Variants in PCDHA2 observed in about 807,000 individuals in gnomAD.
PCDHA2 encodes the protein protocadherin alpha 2.
PCDHA2 carries 58 observed loss-of-function variants against 66.0 expected under a neutral mutation model. That is an observed-to-expected ratio of 0.88 (90% CI 0.71 to 1.09). The LOEUF is 1.09. Among genes scored for constraint, PCDHA2 ranks in the 50% least tolerant of loss-of-function variants. PCDHA2 has a pLI of 0.00. For missense variants in PCDHA2, 1,267 were observed against 1,242.3 expected (o/e 1.02, Z -0.30); for synonymous variants, 634 against 554.0 (o/e 1.14, Z -2.03).
At chr5:140,997,668 T>TTGTGTGTGTG (rs35184029) in intron 3 of PCDHA2, among the ~76,000 whole-genome samples, 47 of 148,344 alleles carry the variant, frequency 3.2e-4, no homozygotes, top group East Asian at 1.8e-3. Flanking sequence ...ATTATACAGC[T>TTGTGTGTGTG]TGTGTGTGTG....
Position 140,927,344 on chromosome 5 carries a change from A to G in PCDHA2, c.2389-51605A>G, listed in dbSNP as rs144568777. 1.0e-4 allele frequency: 168 copies of G among 1,613,994 alleles called. No homozygotes were observed. Among genetic ancestry groups the G allele is most frequent in the Middle Eastern group, 8.2e-4 (5 of 6,062 alleles). On this transcript the variant is annotated intron_variant, in intron 1 of 3. Transcript: ENST00000526136. ...TTTACTCTCCCGAATGCCCAAGATGACGACGAGGGAAGCAATGGGATACTA... is the reference window on the plus strand; with the variant it reads ...TTTACTCTCCCGAATGCCCAAGATGGCGACGAGGGAAGCAATGGGATACTA...
chr5:140,950,952 A>G (rs1554219699), intron 1 of PCDHA2, among the ~76,000 whole-genome samples: 2 of 151,782 alleles, frequency 1.3e-5, no homozygotes, highest in Admixed American at 1.3e-4. Context: ...GATCATTTCT[A>G]TTGATCTATT....
intron 1 of PCDHA2, chr5:140,884,061 A>G: frequency 1.2e-6 from 2 of 1,613,342 alleles, no homozygotes; most frequent in Non-Finnish European, 1.7e-6. Flanking sequence ...CGCGCGGTGG[A>G]CGCCGATTCG....
chr5:140,841,081 A>G (rs2150310957), intron 1 of PCDHA2: 5 of 541,186 alleles, frequency 9.2e-6, no homozygotes, highest in East Asian at 3.1e-5. Context: ...TAGAAAGTGC[A>G]TAGAAGAACC....
rs141789471 is a variant in PCDHA2, at chr5:140,838,199, C to T, written c.2388+40847C>T. Among the ~76,000 whole-genome samples, 332 of 149,502 alleles carry T rather than the reference C, an allele frequency of 2.2e-3. 4 individuals carry two copies. The highest frequency in any genetic ancestry group is 7.4e-3 in the African/African-American group (299 of 40,498). On this transcript the variant is annotated intron_variant, in intron 1 of 3. Transcript: ENST00000526136. Reference sequence around the variant, plus strand: ...TGCAATCTCAGCTCACTGCAAAATCCGCCTCTCTGGTACAAGCAGTTCTCA... The same window carrying T: ...TGCAATCTCAGCTCACTGCAAAATCTGCCTCTCTGGTACAAGCAGTTCTCA...
At chr5:140,824,132 G>A in intron 1 of PCDHA2, 1 of 1,613,590 alleles carries the variant, frequency 6.2e-7, no homozygotes, top group Non-Finnish European at 8.5e-7. Context: ...GACAACGTGA[G>A]TTTTCTAATA....
At chr5:140,928,800 A>G (rs782641676) in intron 1 of PCDHA2, 6 of 1,614,098 alleles carry the variant, frequency 3.7e-6, no homozygotes, top group Non-Finnish European at 4.2e-6. Flanking sequence ...GGGTGGTGGT[A>G]GTGGTTCGGG....
intron 1 of PCDHA2, chr5:140,802,448 C>A (rs782040160): frequency 6.2e-7 from 1 of 1,614,198 alleles, no homozygotes; most frequent in Non-Finnish European, 8.5e-7. Flanking sequence ...ACCGCGAGAG[C>A]GTGTCGGCCT....
intron 1 of PCDHA2, among the ~76,000 whole-genome samples, chr5:140,838,563 G>A (rs1007641143): frequency 9.9e-5 from 15 of 151,752 alleles, no homozygotes; most frequent in Non-Finnish European, 1.9e-4. Context: ...ATCCAGTACT[G>A]TATTAGGGAC....
chr5:140,897,037 AC>A (rs1300892291), intron 1 of PCDHA2, among the ~76,000 whole-genome samples: 1 of 152,074 alleles, frequency 6.6e-6, no homozygotes, highest in Non-Finnish European at 1.5e-5. Flanking sequence ...GACCATAGTC[AC>A]CCTATTCTGC....
chr5:140,969,129 C>G (rs576180714), intron 1 of PCDHA2: 4 of 1,614,144 alleles, frequency 2.5e-6, no homozygotes, highest in Admixed American at 1.7e-5. Context: ...GGCTCCCTCA[C>G]CAAGACCTAC....
chr5:140,865,077 A>G (rs2048727264), intron 1 of PCDHA2: 1 of 152,246 alleles, frequency 6.6e-6, no homozygotes, highest in Non-Finnish European at 1.5e-5. Flanking sequence ...TATAAGAACC[A>G]TGGGATATTA....
intron 1 of PCDHA2, chr5:140,852,134 G>A: frequency 3.4e-6 from 3 of 887,872 alleles, no homozygotes; most frequent in Non-Finnish European, 4.1e-6. Flanking sequence ...AAACTCAGTA[G>A]AGAAAGATCA....
intron 1 of PCDHA2, chr5:140,871,714 T>G (rs938500670): frequency 2.5e-6 from 2 of 805,644 alleles, no homozygotes; most frequent in African/African-American, 3.5e-5. Context: ...AATGTCCTAT[T>G]TCTCTTAATA....
intron 1 of PCDHA2, chr5:140,862,613 A>G (rs1247840424): frequency 7.6e-6 from 4 of 522,928 alleles, no homozygotes; most frequent in Non-Finnish European, 1.6e-5. Flanking sequence ...GTGAAAGGTA[A>G]CAACCCGCGG....
Position 140,836,313 on chromosome 5 carries a change from C to T in PCDHA2, c.2388+38961C>T, listed in dbSNP as rs2150257393. 228 of 1,613,608 alleles carry T rather than the reference C, an allele frequency of 1.4e-4. 1 individual carries two copies. Among genetic ancestry groups the T allele is most frequent in the Non-Finnish European group, 1.4e-5 (16 of 1,179,840 alleles). On this transcript the variant is annotated intron_variant, in intron 1 of 3. Coordinates refer to ENST00000526136, the MANE Select transcript of PCDHA2 (RefSeq NM_018905.3). The stretch of plus-strand genomic sequence containing the variant: ...AGCCCTAGATGAGACGGACGCACCG[C>T]GCCACCGCCTTCTGGTGCTTGTGAA...
intron 1 of PCDHA2, chr5:140,811,615 A>C (rs552512515): frequency 1.3e-5 from 2 of 152,228 alleles, no homozygotes; most frequent in African/African-American, 4.8e-5. Flanking sequence ...CACTCCCACC[A>C]ACGGTGTAAA....
rs555371032 is a variant in PCDHA2 at position 140,794,977 on chromosome 5, A to G, written c.13A>G (p.Ile5Val). The G allele has an allele frequency of 7.5e-5, 121 of 1,610,366 alleles. No individual in the cohort carries two copies. The South Asian group carries it at 1.2e-3, about 16-fold the overall frequency. Residue 5 changes from isoleucine (I) to valine (V), a missense_variant, in exon 1 of 4, where the codon ATC (isoleucine) becomes GTC (valine). Ile to Val is a conservative substitution (Grantham distance 29, BLOSUM62 3). Transcript: ENST00000526136. ...TTGAGGATTGGTAATGGCGTCTTCT[A>G]TCAGAAGGGGCCGAGGGGCCTGGAC... MASSIRRGRGAWTRL... is the reference protein window; with the variant it reads MASSVRRGRGAWTRL...
intron 1 of PCDHA2, chr5:140,797,576 A>G: frequency 1.6e-6 from 1 of 636,298 alleles, no homozygotes; most frequent in Non-Finnish European, 2.7e-6. Flanking sequence ...CACTTCCATC[A>G]TTAAGTCATA....
Sources: allele counts gnomAD v4.1 joint callset (sites outside exome capture counted in the v4.1 genomes callset), GRCh38; gene constraint gnomAD v4.1.1; transcripts MANE v1.5; gene names NCBI Gene and HGNC (gene_info 2026-07-23, HGNC 2026-07-21).